The following RANBP2 variants were observed in gnomAD, a reference collection of about 807,000 sequenced individuals.
RANBP2 encodes E3 SUMO-protein ligase RanBP2.
In RANBP2, 57 loss-of-function variants were observed where a neutral mutation model predicts 303.6. That is an observed-to-expected ratio of 0.19 (90% CI 0.15 to 0.23). The LOEUF (loss-of-function observed/expected upper bound fraction) is 0.23. RANBP2 is among the 10% of genes least tolerant of loss of function. The pLI is 1.00. For synonymous variants in RANBP2, 1,167 were observed against 1,301.5 expected (o/e 0.90, Z 2.23); for missense variants, 3,138 against 3,780.8 (o/e 0.83, Z 4.46).
At chr2:109,334,235 G>A in the RANBP2 span, among the ~76,000 whole-genome samples, 1 of 151,706 alleles carries the variant, frequency 6.6e-6, no homozygotes, top group Non-Finnish European at 1.5e-5. Context: ...GCATGCACCT[G>A]TAGTCTCAGC....
At chr2:108,798,604 G>C in the RANBP2 span, 1 of 1,535,586 alleles carries the variant, frequency 6.5e-7, no homozygotes, top group Non-Finnish European at 8.9e-7. Context: ...TATAGCCTTT[G>C]ATTTTAGAGT....
the RANBP2 span, chr2:109,574,573 C>T: frequency 5.4e-6 from 8 of 1,491,234 alleles, no homozygotes; most frequent in Non-Finnish European, 7.1e-6. Context: ...TTCCTTTCCT[C>T]AACCCACCTT....
rs1419161102 is a variant in RANBP2 at position 108,785,184 on chromosome 2, G to GTAAC, written c.*1285_*1288dup. The GTAAC allele has an allele frequency of 2.0e-5, 3 of 152,124 alleles. No homozygotes were observed. The highest frequency in any genetic ancestry group is 4.8e-5 in the African/African-American group (2 of 41,408). The allele number at this position is 152,124 out of a possible 1,614,324, so 9.4% of individuals were successfully genotyped here. On this transcript the variant is annotated 3_prime_UTR_variant, in exon 29 of 29. Transcript: ENST00000283195. Reference sequence around the variant, plus strand: ...TTGGAAATTGGGTATCCTAAAGCAAGTAACTGTTCAACCACCAGTCAAAAG... The same window carrying GTAAC: ...TTGGAAATTGGGTATCCTAAAGCAAGTAACTAACTGTTCAACCACCAGTCAAAAG...
At chr2:109,198,033 A>G in the RANBP2 span, among the ~76,000 whole-genome samples, 1 of 152,146 alleles carries the variant, frequency 6.6e-6, no homozygotes. Context: ...GGTTTCCAGC[A>G]GAGTTGTGGC....
chr2:109,626,796 G>T, the RANBP2 span, among the ~76,000 whole-genome samples: 1 of 152,234 alleles, frequency 6.6e-6, no homozygotes, highest in African/African-American at 2.4e-5. Flanking sequence ...TAAAAGTAAA[G>T]TGCAGGCTGT....
the RANBP2 span, among the ~76,000 whole-genome samples, chr2:109,556,591 C>T: frequency 1.1e-4 from 16 of 152,128 alleles, no homozygotes; most frequent in Non-Finnish European, 1.6e-4. Flanking sequence ...ATACCCTAGA[C>T]ATCACATGTC....
the RANBP2 span, among the ~76,000 whole-genome samples, chr2:109,078,114 A>ATGGCG: frequency 2.5e-4 from 21 of 84,930 alleles, no homozygotes; most frequent in Non-Finnish European, 4.2e-4. Flanking sequence ...ATATATATAT[A>ATGGCG]TATAGCGTGT....
chr2:108,990,927 T>C, the RANBP2 span, among the ~76,000 whole-genome samples: 1 of 152,222 alleles, frequency 6.6e-6, no homozygotes, highest in African/African-American at 2.4e-5. Context: ...CTCCATATAA[T>C]TTTTACTTTC....
the RANBP2 span, among the ~76,000 whole-genome samples, chr2:109,644,064 T>C: frequency 6.6e-6 from 1 of 151,062 alleles, no homozygotes; most frequent in Non-Finnish European, 1.5e-5. Flanking sequence ...GAGGTTTCAG[T>C]GAGCTGAGAT....
At chr2:109,317,362 C>G in the RANBP2 span, among the ~76,000 whole-genome samples, 2 of 152,100 alleles carry the variant, frequency 1.3e-5, no homozygotes, top group African/African-American at 4.8e-5. Context: ...GCCCCAGCCC[C>G]AGGGGGTGGA....
chr2:108,721,071 A>C (rs548792141), intron 1 of RANBP2, among the ~76,000 whole-genome samples: 59 of 152,192 alleles, frequency 3.9e-4, no homozygotes, highest in South Asian at 2.1e-4. Context: ...AACAAAAAAA[A>C]CCCGGAAACT....
chr2:109,359,198 G>A, the RANBP2 span, among the ~76,000 whole-genome samples: 5 of 152,024 alleles, frequency 3.3e-5, no homozygotes, highest in South Asian at 4.1e-4. Context: ...TTTCAGTCTC[G>A]AAGTCATGTA....
the RANBP2 span, among the ~76,000 whole-genome samples, chr2:109,119,446 A>C: frequency 6.6e-6 from 1 of 152,216 alleles, no homozygotes; most frequent in South Asian, 2.1e-4. Flanking sequence ...ATGATTTAGG[A>C]TATACTTCTG....
the RANBP2 span, among the ~76,000 whole-genome samples, chr2:108,989,731 A>G: frequency 6.6e-6 from 1 of 152,180 alleles, no homozygotes; most frequent in African/African-American, 2.4e-5. Context: ...ATAACTAGGT[A>G]ATTAGGAAGC....
chr2:109,666,991 A>C, the RANBP2 span: 1 of 428,292 alleles, frequency 2.3e-6, no homozygotes, highest in Non-Finnish European at 4.2e-6. Context: ...TGGATGACTG[A>C]GTCCTGATTT....
At chr2:109,402,913 G>A in the RANBP2 span, among the ~76,000 whole-genome samples, 1 of 152,162 alleles carries the variant, frequency 6.6e-6, no homozygotes, top group Non-Finnish European at 1.5e-5. Context: ...CGTCTGCCCT[G>A]GAAAAGCAGC....
At chr2:108,970,068 G>GACTTCCACACTTCC in the RANBP2 span, among the ~76,000 whole-genome samples, 1 of 152,328 alleles carries the variant, frequency 6.6e-6, no homozygotes, top group South Asian at 2.1e-4. Context: ...TGGCTAAGAA[G>GACTTCCACACTTCC]ACACTTTCCC....
the RANBP2 span, among the ~76,000 whole-genome samples, chr2:109,465,429 A>G: frequency 6.6e-6 from 1 of 152,178 alleles, no homozygotes; most frequent in Non-Finnish European, 1.5e-5. Flanking sequence ...TGGCTGCACC[A>G]TTTTGCTTTC....
the RANBP2 span, among the ~76,000 whole-genome samples, chr2:109,346,956 G>C: frequency 2.0e-5 from 3 of 152,290 alleles, no homozygotes; most frequent in African/African-American, 7.2e-5. Flanking sequence ...GGGACTGCTT[G>C]TTAGAACCCC....
Sources: allele counts gnomAD v4.1 joint callset (sites outside exome capture counted in the v4.1 genomes callset), GRCh38; gene constraint gnomAD v4.1.1; transcripts MANE v1.5; gene names NCBI Gene and HGNC (gene_info 2026-07-23, HGNC 2026-07-21).